The following LAMA2 variants were observed in gnomAD, a reference collection of about 807,000 sequenced individuals.
LAMA2 encodes the protein laminin subunit alpha 2, also known as laminin subunit alpha-2.
LAMA2 carries 269 observed loss-of-function variants against 364.8 expected under a neutral mutation model. The ratio of observed to expected loss-of-function variants is 0.74; its 90% CI spans 0.67 to 0.82. LAMA2 has a LOEUF of 0.82. Ranked by LOEUF, LAMA2 falls within the 40% of genes least tolerant of loss-of-function variation. LAMA2 has a pLI of 0.00. For synonymous variants in LAMA2, 1,379 were observed against 1,370.6 expected (o/e 1.01, Z -0.14); for missense variants, 3,807 against 3,873.2 (o/e 0.98, Z 0.45).
intron 3 of LAMA2, among the ~76,000 whole-genome samples, chr6:129,079,414 A>AG (rs1269925221): frequency 6.6e-6 from 1 of 152,050 alleles, no homozygotes; most frequent in African/African-American, 2.4e-5. Context: ...GAGGATAAGG[A>AG]GGGACTACTA....
chr6:129,481,266 G>A lies in LAMA2; in HGVS notation c.7576G>A (p.Val2526Ile), dbSNP rs1784332375. Residue 2526 changes from valine to isoleucine, a missense_variant, in exon 55 of 65, where the codon GTT becomes ATT. Coordinates refer to ENST00000421865, the MANE Select transcript of LAMA2 (RefSeq NM_000426.4). ...TCTTCTTTTCCTTTACTCACAGAAT[G>A]TTTACACAGTTAGCTTTCCTAAGCC... ...GVTKGCSLEN[V>I]YTVSFPKPGF... is the part of the protein sequence containing the mutation. 3 of 1,613,212 alleles carry A rather than the reference G, an allele frequency of 1.9e-6. No individual in the cohort carries two copies. Among genetic ancestry groups the A allele is most frequent in the Non-Finnish European group, 2.5e-6 (3 of 1,179,282 alleles).
rs1784918096 is a variant in LAMA2, at chr6:129,492,412, G to A, written c.8173G>A (p.Ala2725Thr). Residue 2725 changes from alanine (A) to threonine (T), a missense_variant, in exon 58 of 65, where the codon GCT (alanine) becomes ACT (threonine). By Grantham distance (58) the Ala-to-Thr change is moderately conservative. Transcript: ENST00000421865. ...LREDEDGAAPAEIVIQPEPVP... is the reference protein window; with the variant it reads ...LREDEDGAAPTEIVIQPEPVP... ...TGAAGATGAAGATGGAGCAGCTCCA[G>A]CTGAAATAGTTATCCAGCCTGAGCC... 1.2e-6 allele frequency: 2 copies of A among 1,614,140 alleles called. No homozygotes were observed. The highest frequency in any genetic ancestry group is 8.5e-7 in the Non-Finnish European group (1 of 1,179,994).
intron 62 of LAMA2, among the ~76,000 whole-genome samples, chr6:129,509,196 G>T (rs2571573): frequency 0.61 from 92,444 of 151,922 alleles, 29,065 homozygotes; most frequent in Non-Finnish European, 0.69. Context: ...TTTTAAATAG[G>T]ATTATTAGAT....
At chr6:129,263,575 G>A (rs1285878125) in intron 15 of LAMA2, among the ~76,000 whole-genome samples, 1 of 152,128 alleles carries the variant, frequency 6.6e-6, no homozygotes, top group Non-Finnish European at 1.5e-5. Flanking sequence ...AGCCTTGTAA[G>A]CAAGGGGAAA....
Position 129,015,605 on chromosome 6 carries a change from A to G in LAMA2, c.113-34313A>G, listed in dbSNP as rs1290028605. Among the ~76,000 whole-genome samples the G allele has an allele frequency of 2.0e-5, 3 of 152,016 alleles. No homozygotes were observed. The East Asian group carries it at 5.8e-4, about 29-fold the overall frequency. ...CTAACACTAGAATTTTAAACTTGTT[A>G]TATTTGTTACTTTGGTACGAATGTC... On this transcript the variant is annotated intron_variant, in intron 1 of 64. Coordinates refer to ENST00000421865, the MANE Select transcript of LAMA2 (RefSeq NM_000426.4).
chr6:129,476,229 G>T lies in LAMA2; in HGVS notation c.7451+828G>T, dbSNP rs1386586998. On this transcript the variant is annotated intron_variant, in intron 53 of 64. Coordinates refer to ENST00000421865, the MANE Select transcript of LAMA2 (RefSeq NM_000426.4). ...AGATTTCTGGAAAGAAGATAATAAA[G>T]CCGAACTGATCCAAGAAATTTTTAA... 2.0e-5 allele frequency among the ~76,000 whole-genome samples: 3 copies of T among 152,122 alleles called. 1 individual carries two copies. Among genetic ancestry groups the T allele is most frequent in the Admixed American group, 2.0e-4 (3 of 15,252 alleles).
At chr6:129,214,022 G>T (rs1490135219) in intron 12 of LAMA2, among the ~76,000 whole-genome samples, 2 of 151,974 alleles carry the variant, frequency 1.3e-5, no homozygotes, top group African/African-American at 4.8e-5. Flanking sequence ...GATCCATTTT[G>T]TGTTAATTTT....
intron 56 of LAMA2, among the ~76,000 whole-genome samples, chr6:129,489,349 C>T (rs1035597560): frequency 8.9e-5 from 12 of 134,910 alleles, no homozygotes; most frequent in African/African-American, 3.7e-4. Context: ...CCCTCATTCT[C>T]TCTCCCTTCC....
Position 129,085,267 on chromosome 6 carries a change from G to A in LAMA2, c.397-12906G>A, listed in dbSNP as rs1385929754. The stretch of plus-strand genomic sequence containing the variant: ...ATGGAAATGTCTATAGACTTTTCTA[G>A]TGAAGGCTTTTACAAATGTTAAGGG... On this transcript the variant is annotated intron_variant, in intron 3 of 64. Coordinates refer to ENST00000421865, the MANE Select transcript of LAMA2 (RefSeq NM_000426.4). 2.0e-5 allele frequency among the ~76,000 whole-genome samples: 3 copies of A among 152,290 alleles called. No homozygotes were observed. The East Asian group carries it at 5.8e-4, about 29-fold the overall frequency.
At chr6:129,301,630 T>C (rs1303526897) in intron 22 of LAMA2, among the ~76,000 whole-genome samples, 4 of 152,252 alleles carry the variant, frequency 2.6e-5, no homozygotes, top group Middle Eastern at 3.4e-3. Context: ...TGTGCAGCTA[T>C]AGGAATTATA....
chr6:129,036,670 G>T (rs991941470), intron 1 of LAMA2, among the ~76,000 whole-genome samples: 8 of 151,640 alleles, frequency 5.3e-5, no homozygotes, highest in Admixed American at 2.0e-4. Context: ...GCCCACAGCA[G>T]CTCAGAAGCC....
intron 52 of LAMA2, 72 bp from the exon 53 acceptor site, chr6:129,475,318 A>G (rs1473317868): frequency 1.1e-6 from 1 of 889,198 alleles, no homozygotes; most frequent in Admixed American, 2.2e-5. Flanking sequence ...TTATTGTTTT[A>G]CTAAATGAAA....
At chr6:129,297,907 G>C (rs757022215) in intron 21 of LAMA2, 42 bp downstream of exon 21, 1 of 1,543,436 alleles carries the variant, frequency 6.5e-7, no homozygotes, top group Non-Finnish European at 8.9e-7. Context: ...CACTCTGATA[G>C]TTTTAGGGTC....
At chr6:129,292,198 C>T (rs929636555) in intron 20 of LAMA2, among the ~76,000 whole-genome samples, 8 of 152,196 alleles carry the variant, frequency 5.3e-5, no homozygotes, top group Admixed American at 2.0e-4. Flanking sequence ...CTACAAAAAT[C>T]AGCCAGGCAC....
chr6:129,119,526 AT>A (rs890027687), intron 4 of LAMA2, among the ~76,000 whole-genome samples: 10 of 151,478 alleles, frequency 6.6e-5, no homozygotes, highest in East Asian at 1.9e-4. Flanking sequence ...ATTTTATTTT[AT>A]TTTTTATTAA....
intron 1 of LAMA2, among the ~76,000 whole-genome samples, chr6:128,962,527 G>C (rs954581091): frequency 6.6e-6 from 1 of 151,928 alleles, no homozygotes; most frequent in Admixed American, 6.6e-5. Flanking sequence ...TCATTTCCAT[G>C]GGGACAAGGA....
chr6:129,183,829 G>C (rs1224958969), intron 10 of LAMA2, among the ~76,000 whole-genome samples: 1 of 151,718 alleles, frequency 6.6e-6, no homozygotes, highest in Non-Finnish European at 1.5e-5. Context: ...TCTTACCTCT[G>C]GTGATGATAT....
Position 129,415,429 on chromosome 6 carries a change from C to T in LAMA2, c.5865+11470C>T, listed in dbSNP as rs943834981. On this transcript the variant is annotated intron_variant, in intron 40 of 64. Transcript: ENST00000421865. ...TTCACAACTGACTCTCATTCTCTAC[C>T]TTACCTGTTCTTTCTGAGGCCTGGC... Among the ~76,000 whole-genome samples, 4 of 152,280 alleles carry T rather than the reference C, an allele frequency of 2.6e-5. No homozygotes were observed. The East Asian group carries it at 7.7e-4, about 29-fold the overall frequency.
chr6:129,151,495 C>T (rs1778790146), intron 7 of LAMA2, among the ~76,000 whole-genome samples: 1 of 152,132 alleles, frequency 6.6e-6, no homozygotes, highest in African/African-American at 2.4e-5. Context: ...TGAGGCCAGC[C>T]TGGGCCACAT....
Sources: gnomAD v4.1 joint callset for allele counts (sites outside exome capture counted in the v4.1 genomes callset) on GRCh38, gnomAD v4.1.1 for gene constraint, MANE v1.5 for transcripts, NCBI Gene and HGNC (gene_info 2026-07-23, HGNC 2026-07-21) for gene names.